DPH6: variants seen among roughly 807,000 people sequenced by gnomAD.
The protein encoded by DPH6 is diphthamine biosynthesis 6, also known as diphthine--ammonia ligase.
A neutral mutation model predicts 38.2 loss-of-function variants in DPH6; 33 were observed. That is an observed-to-expected ratio of 0.86 (90% CI 0.65 to 1.15). The LOEUF is 1.15. Ranked by LOEUF, DPH6 falls within the 50% of genes most tolerant of loss-of-function variation. The pLI, the probability that DPH6 is intolerant of heterozygous loss-of-function variation, is 0.00. For synonymous variants in DPH6, 108 were observed against 103.0 expected (o/e 1.05, Z -0.30); for missense variants, 325 against 320.0 (o/e 1.02, Z -0.12).
intron 3 of DPH6, among the ~76,000 whole-genome samples, chr15:35,244,306 G>A (rs1052300866): frequency 6.6e-6 from 1 of 152,130 alleles, no homozygotes; most frequent in African/African-American, 2.4e-5. Flanking sequence ...AGAGTTCCTT[G>A]AATGACCTCT....
chr15:35,158,406 T>C, the DPH6 span, among the ~76,000 whole-genome samples: 1 of 152,102 alleles, frequency 6.6e-6, no homozygotes, highest in African/African-American at 2.4e-5. Context: ...ACTCACCAAA[T>C]GTAATATGAT....
intron 3 of DPH6, among the ~76,000 whole-genome samples, chr15:35,257,933 C>T (rs559993606): frequency 1.3e-5 from 2 of 152,164 alleles, no homozygotes; most frequent in South Asian, 4.2e-4. Flanking sequence ...ATAAAGGGAA[C>T]GTTATCAAGC....
chr15:35,370,101 A>G (rs1361601303), downstream of DPH6, among the ~76,000 whole-genome samples: 1 of 151,776 alleles, frequency 6.6e-6, no homozygotes, highest in African/African-American at 2.4e-5. Context: ...TGGAGAAAAG[A>G]TAGTCTTTTC....
In DPH6 at chr15:35,226,428, T is replaced by A. The variant is rs571764458; in HGVS notation, n.201-5846A>T. 2.6e-4 allele frequency among the ~76,000 whole-genome samples: 39 copies of A among 151,544 alleles called. No individual in the cohort carries two copies. The South Asian group carries it at 8.1e-3, about 31-fold the overall frequency. On this transcript the variant is annotated intron_variant and non_coding_transcript_variant, in intron 3 of 3. Transcript: ENST00000560386. Reference sequence around the variant, plus strand: ...GTGGTAATAGAGGAAAGTTTCCACATACATTTAAAAAAAATAGGTAAAGAA... The same window carrying A: ...GTGGTAATAGAGGAAAGTTTCCACAAACATTTAAAAAAAATAGGTAAAGAA...
At chr15:35,234,471 A>G (rs1321670651) in intron 3 of DPH6, among the ~76,000 whole-genome samples, 3 of 152,264 alleles carry the variant, frequency 2.0e-5, no homozygotes, top group African/African-American at 7.2e-5. Context: ...ACAGCTTGAA[A>G]TAAATTAGAT....
chr15:35,256,823 C>A (rs2051711438), intron 3 of DPH6, among the ~76,000 whole-genome samples: 1 of 151,928 alleles, frequency 6.6e-6, no homozygotes, highest in African/African-American at 2.4e-5. Context: ...AGTTCGGGGT[C>A]AATGAGCAAG....
intron 1 of DPH6, 135 bp from the exon 2 acceptor site, chr15:35,542,642 A>G (rs985225728): frequency 2.4e-6 from 2 of 834,802 alleles, no homozygotes; most frequent in Non-Finnish European, 3.5e-6. Flanking sequence ...AAAACCCATT[A>G]ATTTCTAAAT....
At chr15:35,531,711 T>G (rs182554771) in intron 3 of DPH6, among the ~76,000 whole-genome samples, 4 of 152,282 alleles carry the variant, frequency 2.6e-5, no homozygotes, top group African/African-American at 9.6e-5. Flanking sequence ...GAAAGTGGTC[T>G]GCCCGCCTCG....
intron 3 of DPH6, among the ~76,000 whole-genome samples, chr15:35,335,573 G>A (rs867162582): frequency 3.3e-5 from 5 of 152,082 alleles, no homozygotes; most frequent in African/African-American, 1.2e-4. Flanking sequence ...TTTTGTACAC[G>A]GTATAAGGAA....
chr15:35,533,504 TA>T (rs2055119114), intron 3 of DPH6, among the ~76,000 whole-genome samples: 1 of 152,114 alleles, frequency 6.6e-6, no homozygotes, highest in Non-Finnish European at 1.5e-5. Context: ...ACTGAGGTCT[TA>T]CCTCTACAGA....
chr15:35,460,798 C>T (rs1277406931), intron 3 of DPH6, among the ~76,000 whole-genome samples: 1 of 151,672 alleles, frequency 6.6e-6, no homozygotes, highest in South Asian at 2.1e-4. Flanking sequence ...TGAATCACAC[C>T]TGCAGGATTG....
chr15:35,333,204 G>C (rs2052341000), intron 3 of DPH6, among the ~76,000 whole-genome samples: 1 of 152,012 alleles, frequency 6.6e-6, no homozygotes, highest in East Asian at 1.9e-4. Context: ...CAATATCTGA[G>C]AATGGCAAAC....
rs891111012 is a variant in DPH6 at position 35,501,179 on chromosome 15, CT to C, written c.312+37094del. Among the ~76,000 whole-genome samples, 20 of 152,184 alleles carry C rather than the reference CT, an allele frequency of 1.3e-4. 1 individual carries two copies. Among genetic ancestry groups the C allele is most frequent in the Admixed American group, 5.9e-4 (9 of 15,280 alleles). On this transcript the variant is annotated intron_variant, in intron 3 of 8. Transcript: ENST00000256538. ...TTTCTCTTTTCACAATATATTTCCC[CT>C]AATATCATAATGACAATCAGTAATA...
intron 3 of DPH6, among the ~76,000 whole-genome samples, chr15:35,361,978 C>T (rs66475958): frequency 0.024 from 3,694 of 150,796 alleles, 65 homozygotes; most frequent in African/African-American, 0.047. Context: ...TTTGGGCCTC[C>T]GATTGGGTCA....
intron 3 of DPH6, among the ~76,000 whole-genome samples, chr15:35,320,000 T>A (rs1390469539): frequency 6.6e-6 from 1 of 152,170 alleles, no homozygotes; most frequent in African/African-American, 2.4e-5. Context: ...TACATGGAGC[T>A]ATGTGAAAAT....
chr15:35,451,964 T>G (rs547677431), intron 4 of DPH6, among the ~76,000 whole-genome samples: 2 of 152,232 alleles, frequency 1.3e-5, no homozygotes, highest in South Asian at 2.1e-4. Context: ...AAGCCGAGAT[T>G]GCGCCGCTGC....
chr15:35,185,094 A>C, the DPH6 span, among the ~76,000 whole-genome samples: 4 of 152,058 alleles, frequency 2.6e-5, no homozygotes, highest in South Asian at 2.1e-4. Context: ...GAAAAAAAAA[A>C]CTCAATCCAC....
chr15:35,171,634 T>C, the DPH6 span, among the ~76,000 whole-genome samples: 1 of 152,024 alleles, frequency 6.6e-6, no homozygotes, highest in African/African-American at 2.4e-5. Context: ...TTATATATGT[T>C]TAAAAATATA....
At chr15:35,170,671 T>A in the DPH6 span, among the ~76,000 whole-genome samples, 1 of 152,058 alleles carries the variant, frequency 6.6e-6, no homozygotes, top group East Asian at 1.9e-4. Context: ...ATAAAGAAGG[T>A]TGTTGAGTAG....
Sources: allele counts gnomAD v4.1 joint callset (sites outside exome capture counted in the v4.1 genomes callset), GRCh38; gene constraint gnomAD v4.1.1; transcripts MANE v1.5; gene names NCBI Gene and HGNC (gene_info 2026-07-23, HGNC 2026-07-21).